The following GDPD1 variants were observed in gnomAD, a reference collection of about 807,000 sequenced individuals.
GDPD1 encodes the protein glycerophosphodiester phosphodiesterase domain containing 1, also known as lysophospholipase D GDPD1.
Under a neutral mutation model 45.1 loss-of-function variants are expected in GDPD1, and 28 were observed. The ratio of observed to expected loss-of-function variants is 0.62; its 90% CI spans 0.46 to 0.85. The LOEUF (loss-of-function observed/expected upper bound fraction) is 0.85. GDPD1 is among the 40% of genes least tolerant of loss of function. GDPD1 has a pLI of 0.00. For missense variants in GDPD1, 256 were observed against 364.8 expected (o/e 0.70, Z 2.43); for synonymous variants, 139 against 131.4 (o/e 1.06, Z -0.40).
At chr17:59,246,956 C>T (rs1226532096) in intron 3 of GDPD1, among the ~76,000 whole-genome samples, 2 of 151,482 alleles carry the variant, frequency 1.3e-5, no homozygotes, top group African/African-American at 2.4e-5. Context: ...TTAGTAGAGA[C>T]GGGGTTTCAC....
intron 2 of GDPD1, among the ~76,000 whole-genome samples, chr17:59,239,460 A>G (rs1181169913): frequency 1.3e-5 from 2 of 152,102 alleles, no homozygotes; most frequent in East Asian, 1.9e-4. Context: ...TGATATTTCA[A>G]TGGAAGTAGG....
chr17:59,226,136 T>G (rs2047045656), intron 1 of GDPD1, among the ~76,000 whole-genome samples: 1 of 152,242 alleles, frequency 6.6e-6, no homozygotes, highest in South Asian at 2.1e-4. Flanking sequence ...TTTTGTGTTC[T>G]TTTAATTTCT....
intron 2 of GDPD1, among the ~76,000 whole-genome samples, chr17:59,235,424 C>A (rs567352610): frequency 1.1e-4 from 16 of 152,012 alleles, no homozygotes; most frequent in Non-Finnish European, 1.6e-4. Flanking sequence ...CTAGTTTCAC[C>A]TAAATCCTAT....
chr17:59,229,320 ATTT>A (rs11302392), intron 1 of GDPD1, among the ~76,000 whole-genome samples: 1 of 141,730 alleles, frequency 7.1e-6, no homozygotes, highest in Non-Finnish European at 1.5e-5. Flanking sequence ...GCCTGGCTAA[ATTT>A]TTTTTTTTTT....
intron 2 of GDPD1, among the ~76,000 whole-genome samples, chr17:59,236,667 T>C (rs978950982): frequency 1.3e-5 from 2 of 152,136 alleles, no homozygotes; most frequent in African/African-American, 2.4e-5. Flanking sequence ...GGCTAGTTTT[T>C]AGTTTTATCT....
chr17:59,260,572 T>C (rs539908770), intron 6 of GDPD1, among the ~76,000 whole-genome samples: 4 of 152,196 alleles, frequency 2.6e-5, no homozygotes, highest in African/African-American at 9.6e-5. Context: ...TAATTTTATA[T>C]GCTTTAAAAT....
At chr17:59,267,256 T>A in intron 7 of GDPD1, 82 bp downstream of exon 7, 1 of 1,250,326 alleles carries the variant, frequency 8.0e-7, no homozygotes, top group Non-Finnish European at 1.1e-6. Flanking sequence ...TCAATATCAA[T>A]GATGAAGAAG....
chr17:59,267,235 G>A, intron 7 of GDPD1, 61 bp downstream of exon 7: 1 of 1,436,774 alleles, frequency 7.0e-7, no homozygotes, highest in Non-Finnish European at 9.7e-7. Flanking sequence ...TAAGATAAAA[G>A]CTCACTAATA....
intron 2 of GDPD1, among the ~76,000 whole-genome samples, chr17:59,241,052 G>A (rs2047171445): frequency 6.6e-6 from 1 of 152,160 alleles, no homozygotes; most frequent in African/African-American, 2.4e-5. Context: ...ACAGTAATGT[G>A]CTGTACAGAT....
intron 2 of GDPD1, among the ~76,000 whole-genome samples, chr17:59,243,551 C>T (rs979082454): frequency 6.6e-6 from 1 of 151,994 alleles, no homozygotes; most frequent in Non-Finnish European, 1.5e-5. Context: ...GGCAGTTCTC[C>T]CTCTGGGTTG....
rs148319632 is a variant in GDPD1 at position 59,220,695 on chromosome 17, T to G, written c.86T>G (p.Leu29Trp). ...TSFLLLKYPT[L>W]LHQRKKQRFL... ...TTCTTGTTGCTTAAATACCCGACCT[T>G]GCTGCACCAGAGAAAGAAGCAGCGA... Residue 29 changes from leucine to tryptophan, a missense_variant, in exon 1 of 10, where the codon TTG becomes TGG. By Grantham distance (61) the Leu-to-Trp change is moderately conservative (BLOSUM62 -2). Transcript: ENST00000284116. 1 of 1,614,158 alleles carries G rather than the reference T, an allele frequency of 6.2e-7. No individual in the cohort carries two copies. Among genetic ancestry groups the G allele is most frequent in the African/African-American group, 1.3e-5 (1 of 75,042 alleles).
At chr17:59,257,722 T>C in intron 5 of GDPD1, 29 bp from the exon 6 acceptor site, 2 of 1,433,732 alleles carry the variant, frequency 1.4e-6, no homozygotes, top group Non-Finnish European at 1.9e-6. Flanking sequence ...AATAGGCACA[T>C]GCATAAAATT....
At chr17:59,248,228 G>A (rs1231127012) in intron 3 of GDPD1, among the ~76,000 whole-genome samples, 2 of 151,752 alleles carry the variant, frequency 1.3e-5, no homozygotes, top group African/African-American at 2.4e-5. Context: ...GAGCTCAGAC[G>A]ATCAAGGCTA....
At chr17:59,244,856 C>T (rs1411246250) in intron 2 of GDPD1, among the ~76,000 whole-genome samples, 1 of 151,246 alleles carries the variant, frequency 6.6e-6, no homozygotes, top group African/African-American at 2.4e-5. Context: ...ATTAGCTGGG[C>T]ACAGTGGCAT....
intron 7 of GDPD1, among the ~76,000 whole-genome samples, chr17:59,269,779 C>G (rs1057213142): frequency 6.6e-5 from 10 of 151,886 alleles, no homozygotes; most frequent in Non-Finnish European, 1.2e-4. Flanking sequence ...GCCGAGATAG[C>G]GCCATTGCAC....
chr17:59,236,007 G>C (rs1371121080), intron 2 of GDPD1, among the ~76,000 whole-genome samples: 1 of 151,940 alleles, frequency 6.6e-6, no homozygotes, highest in African/African-American at 2.4e-5. Flanking sequence ...TATATCATCT[G>C]TTGCCCCTGA....
intron 2 of GDPD1, among the ~76,000 whole-genome samples, chr17:59,240,927 C>G (rs1264496342): frequency 2.0e-5 from 3 of 152,132 alleles, no homozygotes; most frequent in Non-Finnish European, 4.4e-5. Context: ...GATAAGTGCC[C>G]TAATGCAGGT....
chr17:59,250,059 A>G (rs1391186890), intron 4 of GDPD1, among the ~76,000 whole-genome samples: 1 of 151,988 alleles, frequency 6.6e-6, no homozygotes, highest in Non-Finnish European at 1.5e-5. Context: ...GGAATTTTTG[A>G]AAATGAAATA....
At chr17:59,270,386 G>GC (rs1009746855) in intron 7 of GDPD1, among the ~76,000 whole-genome samples, 2 of 151,532 alleles carry the variant, frequency 1.3e-5, no homozygotes, top group African/African-American at 4.9e-5. Flanking sequence ...TAGAGACGGG[G>GC]GGGGGTTTCA....
Sources: gnomAD v4.1 joint callset for allele counts (sites outside exome capture counted in the v4.1 genomes callset) on GRCh38, gnomAD v4.1.1 for gene constraint, MANE v1.5 for transcripts, NCBI Gene and HGNC (gene_info 2026-07-23, HGNC 2026-07-21) for gene names.